MCTP2: variants seen among roughly 807,000 people sequenced by gnomAD.
MCTP2 encodes multiple C2 and transmembrane domain-containing protein 2.
Under a neutral mutation model 111.6 loss-of-function variants are expected in MCTP2, and 132 were observed. The observed-to-expected ratio is 1.18, with a 90% CI of 1.03 to 1.37. The LOEUF is 1.37. MCTP2 is among the 40% of genes most tolerant of loss of function. The pLI, the probability that MCTP2 is intolerant of heterozygous loss-of-function variation, is 0.00. For missense variants in MCTP2, 1,183 were observed against 1,067.9 expected (o/e 1.11, Z -1.50); for synonymous variants, 395 against 387.7 (o/e 1.02, Z -0.22).
intron 12 of MCTP2, among the ~76,000 whole-genome samples, chr15:94,377,975 C>T (rs1197086064): frequency 6.6e-6 from 1 of 152,038 alleles, no homozygotes; most frequent in Non-Finnish European, 1.5e-5. Flanking sequence ...CAAAAGAAAC[C>T]TCTCAGGGGA....
intron 10 of MCTP2, among the ~76,000 whole-genome samples, chr15:94,362,917 A>G (rs1423088220): frequency 6.6e-6 from 1 of 152,194 alleles, no homozygotes; most frequent in East Asian, 1.9e-4. Flanking sequence ...CCTGTGGGCT[A>G]GAGAGGCTGG....
intron 19 of MCTP2, among the ~76,000 whole-genome samples, chr15:94,449,318 CATA>C (rs2084303844): frequency 6.6e-6 from 1 of 152,202 alleles, no homozygotes; most frequent in African/African-American, 2.4e-5. Flanking sequence ...TATTAAGTTT[CATA>C]ATATGTTCCC....
At chr15:94,319,230 G>A (rs1026788285) in intron 4 of MCTP2, among the ~76,000 whole-genome samples, 4 of 152,106 alleles carry the variant, frequency 2.6e-5, no homozygotes, top group African/African-American at 7.2e-5. Flanking sequence ...AGGGCAAGAC[G>A]GCATTTGAGT....
At chr15:94,316,297 T>G (rs1319756059) in intron 4 of MCTP2, among the ~76,000 whole-genome samples, 1 of 152,248 alleles carries the variant, frequency 6.6e-6, no homozygotes, top group African/African-American at 2.4e-5. Flanking sequence ...CTACTGGTGG[T>G]AGCTGTTTTT....
chr15:94,390,124 A>ATG (rs1596555298), intron 14 of MCTP2, among the ~76,000 whole-genome samples: 5 of 57,558 alleles, frequency 8.7e-5, no homozygotes, highest in South Asian at 4.0e-4. Context: ...GTATATATAT[A>ATG]TATATATACT....
intron 17 of MCTP2, chr15:94,402,814 G>A (rs995493793): frequency 7.4e-7 from 1 of 1,354,344 alleles, no homozygotes; most frequent in Admixed American, 3.0e-5. Flanking sequence ...TCTGTCCTGT[G>A]CAAAGATCAC....
At chr15:94,332,849 T>G (rs1253913017) in intron 4 of MCTP2, among the ~76,000 whole-genome samples, 3 of 152,322 alleles carry the variant, frequency 2.0e-5, no homozygotes, top group African/African-American at 7.2e-5. Flanking sequence ...GGAATGCTAG[T>G]TTTTAGAAAA....
At chr15:94,303,189 A>G (rs2075725258) in intron 2 of MCTP2, among the ~76,000 whole-genome samples, 1 of 149,352 alleles carries the variant, frequency 6.7e-6, no homozygotes, top group Non-Finnish European at 1.5e-5. Flanking sequence ...ATATATATAT[A>G]TATGTTTATT....
At chr15:94,429,132 C>G (rs1244853596) in intron 17 of MCTP2, among the ~76,000 whole-genome samples, 1 of 151,376 alleles carries the variant, frequency 6.6e-6, no homozygotes, top group African/African-American at 2.4e-5. Flanking sequence ...TATCTATCCC[C>G]CTACCGACGT....
chr15:94,361,617 C>T (rs1464139659), intron 10 of MCTP2, among the ~76,000 whole-genome samples: 2 of 152,158 alleles, frequency 1.3e-5, no homozygotes, highest in Non-Finnish European at 2.9e-5. Flanking sequence ...TGCACGTAAA[C>T]TGTAGGTCCT....
intron 1 of MCTP2, among the ~76,000 whole-genome samples, chr15:94,238,931 A>G (rs554827211): frequency 6.6e-6 from 1 of 152,114 alleles, no homozygotes; most frequent in South Asian, 2.1e-4. Flanking sequence ...AAAAGGAAGC[A>G]TTAAACCTAT....
At chr15:94,243,332 TATATGCGTATGTACATACATACGTATGCG>T (rs2071235369) in intron 1 of MCTP2, among the ~76,000 whole-genome samples, 1 of 146,788 alleles carries the variant, frequency 6.8e-6, no homozygotes, top group African/African-American at 2.5e-5. Context: ...TACGTATGCG[TATATGCGTATGTACATACATACGTATGCG>T]TATATGCGTA....
intron 17 of MCTP2, among the ~76,000 whole-genome samples, chr15:94,439,074 G>A (rs2083634051): frequency 6.6e-6 from 1 of 152,090 alleles, no homozygotes; most frequent in African/African-American, 2.4e-5. Context: ...GGCTGCTAAT[G>A]TTAAAAATAT....
At chr15:94,419,841 A>C (rs1178658223) in intron 17 of MCTP2, among the ~76,000 whole-genome samples, 1 of 151,902 alleles carries the variant, frequency 6.6e-6, no homozygotes, top group African/African-American at 2.4e-5. Context: ...AAAGCAAGTT[A>C]TCCAGAAGTT....
intron 20 of MCTP2, among the ~76,000 whole-genome samples, chr15:94,459,465 T>TA (rs2085052618): frequency 2.0e-5 from 3 of 152,244 alleles, no homozygotes; most frequent in Admixed American, 6.5e-5. Context: ...CGTGTATGTT[T>TA]AAAAAAAGTA....
At chr15:94,349,400 A>G (rs1026660835) in intron 8 of MCTP2, among the ~76,000 whole-genome samples, 1 of 152,156 alleles carries the variant, frequency 6.6e-6, no homozygotes, top group Non-Finnish European at 1.5e-5. Context: ...CTGTCCTTGG[A>G]TACAGGGTGA....
At chr15:94,461,122 A>C (rs2085178395) in intron 20 of MCTP2, among the ~76,000 whole-genome samples, 1 of 152,194 alleles carries the variant, frequency 6.6e-6, no homozygotes, top group Non-Finnish European at 1.5e-5. Flanking sequence ...ATATTACACA[A>C]ATTTTAAATG....
intron 22 of MCTP2, among the ~76,000 whole-genome samples, chr15:94,477,564 T>G (rs1223432704): frequency 6.6e-6 from 1 of 152,198 alleles, no homozygotes; most frequent in Non-Finnish European, 1.5e-5. Context: ...GGGGAGACCA[T>G]GGCGTGAAAT....
chr15:94,305,086 T>C (rs1194925536), intron 2 of MCTP2, among the ~76,000 whole-genome samples: 5 of 152,272 alleles, frequency 3.3e-5, no homozygotes, highest in Middle Eastern at 3.4e-3. Context: ...CAAGTTCTTA[T>C]GTTGAATCTC....
Sources: gnomAD v4.1 joint callset for allele counts (sites outside exome capture counted in the v4.1 genomes callset) on GRCh38, gnomAD v4.1.1 for gene constraint, MANE v1.5 for transcripts, NCBI Gene and HGNC (gene_info 2026-07-23, HGNC 2026-07-21) for gene names.